KLHL13: variants seen among roughly 807,000 people sequenced by gnomAD.
KLHL13 encodes kelch-like protein 13.
A neutral mutation model predicts 37.1 loss-of-function variants in KLHL13; 10 were observed. That is an observed-to-expected ratio of 0.27 (90% confidence interval 0.17 to 0.46). The LOEUF (loss-of-function observed/expected upper bound fraction) is 0.46. Ranked by LOEUF, KLHL13 falls within the 20% of genes least tolerant of loss-of-function variation. KLHL13 has a pLI of 1.00. For synonymous variants in KLHL13, 163 were observed against 181.2 expected, an observed-to-expected ratio of 0.90 and a Z score of 0.81; for missense variants, 360 against 509.3, an observed-to-expected ratio of 0.71 and a Z score of 2.82.
intron 1 of KLHL13, among the ~76,000 whole-genome samples, chrX:118,079,964 A>T (rs1367127270): frequency 5.4e-5 from 6 of 111,636 alleles, no homozygotes; most frequent in Non-Finnish European, 1.1e-4. Context: ...CAGAAAACTC[A>T]GAAATAAAGC....
At chrX:117,922,935 T>C (rs1269816729) in intron 2 of KLHL13, among the ~76,000 whole-genome samples, 1 of 112,064 alleles carries the variant, frequency 8.9e-6, no homozygotes, top group Non-Finnish European at 1.9e-5. Context: ...TATTAAAATA[T>C]ATAAAGGCCT....
chrX:118,073,108 C>G (rs2054889602), intron 1 of KLHL13, among the ~76,000 whole-genome samples: 2 of 109,575 alleles, frequency 1.8e-5, no homozygotes, highest in South Asian at 8.0e-4. Flanking sequence ...AAAAAAAAAC[C>G]CCACAAATGA....
intron 1 of KLHL13, among the ~76,000 whole-genome samples, chrX:118,010,952 C>T (rs1409292636): frequency 1.8e-5 from 2 of 108,546 alleles, no homozygotes; most frequent in South Asian, 4.1e-4. Context: ...ACACGCCTGT[C>T]GTCCCAGCTA....
At chrX:117,956,773 T>C (rs999459251) in intron 1 of KLHL13, among the ~76,000 whole-genome samples, 6 of 111,352 alleles carry the variant, frequency 5.4e-5, no homozygotes, top group Non-Finnish European at 1.1e-4. Context: ...GTGTTAAAAG[T>C]TTCCCTAGCT....
chrX:118,056,180 A>G (rs1346321218), intron 1 of KLHL13, among the ~76,000 whole-genome samples: 1 of 112,283 alleles, frequency 8.9e-6, no homozygotes. Context: ...CATGTGCAAT[A>G]AACAATCTGA....
chrX:117,993,470 C>T (rs1569435466), intron 1 of KLHL13, among the ~76,000 whole-genome samples: 1 of 111,777 alleles, frequency 8.9e-6, no homozygotes, highest in East Asian at 2.8e-4. Context: ...TTACTATTAA[C>T]ATCCCCATTT....
At chrX:118,059,583 C>T (rs1376946545) in intron 1 of KLHL13, among the ~76,000 whole-genome samples, 2 of 111,707 alleles carry the variant, frequency 1.8e-5, no homozygotes, top group Admixed American at 9.5e-5. Context: ...TTCAGAGATA[C>T]AAATTTTATC....
chrX:118,026,576 C>T (rs1223070325), intron 1 of KLHL13, among the ~76,000 whole-genome samples: 1 of 111,509 alleles, frequency 9.0e-6, no homozygotes, highest in Non-Finnish European at 1.9e-5. Flanking sequence ...GGGACAATGC[C>T]CCCAAAGAAA....
In KLHL13 at chrX:117,929,694, C is replaced by A. The variant is rs185098553; in HGVS notation, c.241-9324G>T. 2.4e-4 allele frequency among the ~76,000 whole-genome samples: 24 copies of A among 100,217 alleles called. No individual in the cohort carries two copies. The East Asian group carries it at 7.4e-3, about 31-fold the overall frequency. 87.0% of individuals were successfully genotyped at this position (100,217 alleles called of 115,157 possible). A position where few individuals can be genotyped will look rare whatever the true frequency, so the allele number is the denominator to read the frequency against. ...TGGTGGCTCATGCCTGTAATCCCAG[C>A]ACTTTGGGAGGTTGAGGCAGGAGGA... is the stretch of plus-strand genomic sequence containing the variant. On this transcript the variant is annotated intron_variant, in intron 2 of 6. Coordinates refer to ENST00000262820, the Ensembl canonical transcript of KLHL13.
At chrX:118,022,578 C>T (rs1180821918) in intron 1 of KLHL13, among the ~76,000 whole-genome samples, 1 of 111,972 alleles carries the variant, frequency 8.9e-6, no homozygotes, top group East Asian at 2.8e-4. Context: ...TTACATCTCC[C>T]TGATGATGTG....
chrX:118,029,429 G>C (rs1209537512), intron 1 of KLHL13, among the ~76,000 whole-genome samples: 1 of 111,690 alleles, frequency 9.0e-6, no homozygotes, highest in African/African-American at 3.3e-5. Context: ...TTTTTGTTTT[G>C]GTGATTATTT....
In KLHL13 at chrX:117,985,635, G is replaced by A. The variant is rs183721405; in HGVS notation, c.-55-40060C>T. Among the ~76,000 whole-genome samples the A allele has an allele frequency of 1.5e-3, 162 of 110,180 alleles. 2 individuals are homozygous for A. Among genetic ancestry groups the A allele is most frequent in the African/African-American group, 5.2e-3 (157 of 30,351 alleles). On this transcript the variant is annotated intron_variant, in intron 1 of 6. Coordinates refer to the KLHL13 transcript ENST00000371882. ...AAGTGTTCATCTTTGGAGCAAAGGT[G>A]GAGTGAGACAAATACTAACACCAGG...
At chrX:117,929,395 T>C (rs1454571457) in intron 2 of KLHL13, among the ~76,000 whole-genome samples, 1 of 111,078 alleles carries the variant, frequency 9.0e-6, no homozygotes, top group Non-Finnish European at 1.9e-5. Flanking sequence ...TCAAAATCCA[T>C]CGGGCACAAA....
rs1393279627 is a variant in KLHL13, at chrX:117,919,791, G to A, written c.374-74C>T. 3 of 754,782 alleles carry A rather than the reference G, an allele frequency of 4.0e-6. No homozygotes were observed. The African/African-American group carries it at 6.4e-5, about 16-fold the overall frequency. The allele number at this position is 754,782 out of a possible 1,213,427, so 62.2% of individuals were successfully genotyped here. A position where few individuals can be genotyped will look rare whatever the true frequency, so the allele number is the denominator to read the frequency against. The stretch of plus-strand genomic sequence containing the variant: ...AACTCACTTCTGCTGCTAATTAGAT[G>A]CAATAAAATCAAAGGAAAGTCTTAT... On this transcript the variant is annotated intron_variant, in intron 3 of 6. Coordinates refer to ENST00000262820, the Ensembl canonical transcript of KLHL13.
intron 2 of KLHL13, among the ~76,000 whole-genome samples, chrX:117,937,043 T>C (rs1486521186): frequency 8.9e-6 from 1 of 111,826 alleles, no homozygotes; most frequent in East Asian, 2.8e-4. Context: ...AGAGTGAGGC[T>C]TATTACAACA....
At chrX:117,988,094 A>G (rs2053748569) in intron 1 of KLHL13, among the ~76,000 whole-genome samples, 1 of 112,331 alleles carries the variant, frequency 8.9e-6, no homozygotes. Context: ...AAAACAGACA[A>G]ATTGACAGAT....
chrX:117,982,609 T>G (rs12396446), intron 1 of KLHL13, among the ~76,000 whole-genome samples: 7,934 of 111,663 alleles, frequency 0.071, 674 homozygotes, highest in African/African-American at 0.24. Context: ...AAGGCAGATG[T>G]GCTCAAACAT....
intron 1 of KLHL13, among the ~76,000 whole-genome samples, chrX:117,991,015 G>C (rs5956833): frequency 0.05 from 5,550 of 109,917 alleles, 399 homozygotes; most frequent in African/African-American, 0.18. Flanking sequence ...AACATGCATA[G>C]GTTAGGGAGT....
intron 1 of KLHL13, among the ~76,000 whole-genome samples, chrX:118,101,250 T>C (rs2055284669): frequency 8.9e-6 from 1 of 111,979 alleles, no homozygotes; most frequent in South Asian, 3.8e-4. Flanking sequence ...AGTTTCCAGA[T>C]GGTAAATAGG....
Sources: allele counts gnomAD v4.1 joint callset (sites outside exome capture counted in the v4.1 genomes callset), GRCh38; gene constraint gnomAD v4.1.1; transcripts MANE v1.5; gene names NCBI Gene and HGNC (gene_info 2026-07-23, HGNC 2026-07-21).